CREB1: variants seen among roughly 807,000 people sequenced by gnomAD.
The protein encoded by CREB1 is cyclic AMP-responsive element-binding protein 1.
A neutral mutation model predicts 42.0 loss-of-function variants in CREB1; 2 were observed. That is an observed-to-expected ratio of 0.05 (90% CI 0.02 to 0.15). The LOEUF (loss-of-function observed/expected upper bound fraction) is 0.15. Ranked by LOEUF, CREB1 falls within the 10% of genes least tolerant of loss-of-function variation. CREB1 has a pLI of 1.00. For missense variants in CREB1, 199 were observed against 388.9 expected, an observed-to-expected ratio of 0.51 and a Z score of 4.11; for synonymous variants, 123 against 139.9, an observed-to-expected ratio of 0.88 and a Z score of 0.85.
chr2:207,543,750 A>G (rs2081191617), intron 1 of CREB1, among the ~76,000 whole-genome samples: 1 of 150,330 alleles, frequency 6.7e-6, no homozygotes. Flanking sequence ...CTACAGGTGC[A>G]TGCCACCACA....
chr2:207,580,219 G>C (rs1027391320), intron 7 of CREB1, among the ~76,000 whole-genome samples: 5 of 152,110 alleles, frequency 3.3e-5, no homozygotes, highest in African/African-American at 9.7e-5. Context: ...ACTGAAATTT[G>C]AACCCATATC....
chr2:207,567,315 A>C, intron 3 of CREB1, 148 bp from the exon 4 acceptor site: 1 of 502,262 alleles, frequency 2.0e-6, no homozygotes, highest in South Asian at 2.7e-5. Flanking sequence ...GGAAGGGGAA[A>C]GTGATTGGTG....
At chr2:207,539,360 G>T (rs559289376) in intron 1 of CREB1, among the ~76,000 whole-genome samples, 1 of 151,840 alleles carries the variant, frequency 6.6e-6, no homozygotes, top group Non-Finnish European at 1.5e-5. Flanking sequence ...TACTCTTAAA[G>T]GGGAGTCATT....
At chr2:207,545,224 G>T (rs889689938) in intron 1 of CREB1, among the ~76,000 whole-genome samples, 1 of 151,964 alleles carries the variant, frequency 6.6e-6, no homozygotes, top group African/African-American at 2.4e-5. Context: ...GTTTTGTTTT[G>T]TTCGAGACAG....
At chr2:207,530,398 G>C (rs1342785352) in intron 1 of CREB1, among the ~76,000 whole-genome samples, 1 of 146,470 alleles carries the variant, frequency 6.8e-6, no homozygotes. Flanking sequence ...GGGGCGGCGG[G>C]CGGCGGGCGG....
chr2:207,567,432 T>G, intron 3 of CREB1, 31 bp from the exon 4 acceptor site: 1 of 1,487,800 alleles, frequency 6.7e-7, no homozygotes, highest in South Asian at 1.2e-5. Flanking sequence ...CTAAATTTGA[T>G]TATCAATATG....
intron 4 of CREB1, among the ~76,000 whole-genome samples, chr2:207,568,812 T>C (rs1385927695): frequency 6.6e-6 from 1 of 152,212 alleles, no homozygotes; most frequent in African/African-American, 2.4e-5. Context: ...CATTTTAGAG[T>C]TTCTCCACCC....
intron 1 of CREB1, among the ~76,000 whole-genome samples, chr2:207,542,086 C>T (rs2081120111): frequency 1.3e-5 from 2 of 152,084 alleles, no homozygotes; most frequent in South Asian, 4.1e-4. Flanking sequence ...TGTGAGTTCA[C>T]GGACATTGGA....
chr2:207,575,432 C>T lies in CREB1; in HGVS notation c.666C>T (p.Pro222=), dbSNP rs747703751. The T allele has an allele frequency of 8.7e-6, 14 of 1,611,580 alleles. No homozygotes were observed. The highest frequency in any genetic ancestry group is 1.7e-4 in the Middle Eastern group (1 of 6,054). ...CTGATGGACAGCAGATCTTAGTGCC[C>T]AGCAACCAAGTTGTTGTTCAAGGTA... ...QTTDGQQILV[P]SNQVVVQAAS... Residue 222 remains proline, a synonymous_variant, in exon 6 of 8, where the codon CCC becomes CCT. Transcript: ENST00000353267.
At chr2:207,567,873 T>C (rs1225956012) in intron 4 of CREB1, 1 of 177,056 alleles carries the variant, frequency 5.6e-6, no homozygotes, top group Non-Finnish European at 1.2e-5. Context: ...AAGCCAACTC[T>C]GAGGCTCTGT....
At chr2:207,550,975 C>T (rs75651015) in intron 1 of CREB1, among the ~76,000 whole-genome samples, 1 of 152,300 alleles carries the variant, frequency 6.6e-6, no homozygotes, top group East Asian at 1.9e-4. Context: ...TTGCTTTATT[C>T]TGAGTGGCTA....
rs953844184 is a variant in CREB1, at chr2:207,601,695, G to A, written c.*4637G>A. On this transcript the variant is annotated 3_prime_UTR_variant, in exon 8 of 8. Transcript: ENST00000353267. Reference sequence around the variant, plus strand: ...TCACAGAGACCACATGTAATATACTGAAATATGTTCATTTTTAATGGCTTT... The same window carrying A: ...TCACAGAGACCACATGTAATATACTAAAATATGTTCATTTTTAATGGCTTT... The A allele has an allele frequency of 3.3e-5, 7 of 213,802 alleles. No individual in the cohort carries two copies. The highest frequency in any genetic ancestry group is 1.6e-4 in the African/African-American group (7 of 44,228). 13.2% of individuals were successfully genotyped at this position (213,802 alleles called of 1,614,324 possible). A position where few individuals can be genotyped will look rare whatever the true frequency, so the allele number is the denominator to read the frequency against.
At position 207,604,707 on chromosome 2, in the gene CREB1, A is replaced by T. The variant is rs1575084381; in HGVS notation, c.*7649A>T. 1.3e-5 allele frequency among the ~76,000 whole-genome samples: 2 copies of T among 152,230 alleles called. No individual in the cohort carries two copies. The highest frequency in any genetic ancestry group is 4.1e-4 in the South Asian group (2 of 4,830). ...TATCTAGCTCCAAAACATTCTCATC[A>T]CTCCAAAAGTAAAGTCCCGTTACTC... On this transcript the variant is annotated 3_prime_UTR_variant, in exon 8 of 8. Transcript: ENST00000353267.
intron 4 of CREB1, among the ~76,000 whole-genome samples, chr2:207,569,657 C>G (rs1381468062): frequency 1.3e-5 from 2 of 150,996 alleles, no homozygotes; most frequent in African/African-American, 4.9e-5. Flanking sequence ...GATAATACAT[C>G]TTTTTTTTTG....
chr2:207,559,558 C>T (rs898705958), intron 2 of CREB1, among the ~76,000 whole-genome samples: 1 of 152,124 alleles, frequency 6.6e-6, no homozygotes, highest in Non-Finnish European at 1.5e-5. Context: ...AAATAAAATT[C>T]CTATCCTTGA....
At chr2:207,596,178 T>G (rs866623600) in intron 7 of CREB1, among the ~76,000 whole-genome samples, 3 of 152,232 alleles carry the variant, frequency 2.0e-5, no homozygotes, top group Non-Finnish European at 2.9e-5. Flanking sequence ...CTCACTCTTT[T>G]GCATGTGGAT....
intron 7 of CREB1, chr2:207,582,857 C>T (rs1361219977): frequency 9.1e-6 from 3 of 329,608 alleles, no homozygotes; most frequent in South Asian, 2.3e-5. Flanking sequence ...GGCACTACTA[C>T]TCCAGCCTGA....
intron 1 of CREB1, among the ~76,000 whole-genome samples, chr2:207,532,050 A>AT (rs939976135): frequency 1.3e-5 from 2 of 152,086 alleles, no homozygotes; most frequent in Admixed American, 6.5e-5. Context: ...GTAGAGTAGA[A>AT]TTTTTTTTCT....
chr2:207,554,588 A>C (rs111360485), intron 1 of CREB1, among the ~76,000 whole-genome samples: 1 of 152,294 alleles, frequency 6.6e-6, no homozygotes, highest in African/African-American at 2.4e-5. Flanking sequence ...GATTTCTCTA[A>C]CCTTGATTTA....
Sources: gnomAD v4.1 joint callset for allele counts (sites outside exome capture counted in the v4.1 genomes callset) on GRCh38, gnomAD v4.1.1 for gene constraint, MANE v1.5 for transcripts, NCBI Gene and HGNC (gene_info 2026-07-23, HGNC 2026-07-21) for gene names.